Variants in DNAJB11 observed in about 807,000 individuals in gnomAD.
The protein encoded by DNAJB11 is DnaJ heat shock protein family (Hsp40) member B11, also known as dnaJ homolog subfamily B member 11.
A neutral mutation model predicts 47.2 loss-of-function variants in DNAJB11; 30 were observed. The observed-to-expected ratio is 0.64, with a 90% CI of 0.48 to 0.86. The LOEUF (loss-of-function observed/expected upper bound fraction) is 0.86, where lower values mean the gene tolerates loss of function less well. Ranked by LOEUF, DNAJB11 falls within the 40% of genes least tolerant of loss-of-function variation. The pLI is 0.00. For synonymous variants in DNAJB11, 151 were observed against 159.9 expected (o/e 0.94, Z 0.42); for missense variants, 357 against 440.2 (o/e 0.81, Z 1.69).
At position 186,575,868 on chromosome 3, in the gene DNAJB11, A is replaced by C; in HGVS notation, c.254A>C (p.Gln85Pro). The change falls in exon 3 of 10, where the codon CAG becomes CCG. Residue 85 changes from glutamine to proline, a missense_variant. Coordinates refer to ENST00000265028, the MANE Select transcript of DNAJB11 (RefSeq NM_016306.6). ...EVLSDSEKRK[Q>P]YDTYGEEGLK... ...CTGTCAGATAGTGAGAAACGGAAACAGTACGATACTTATGGTGAAGAAGGA... is the reference window on the plus strand; with the variant it reads ...CTGTCAGATAGTGAGAAACGGAAACCGTACGATACTTATGGTGAAGAAGGA... 6.2e-7 allele frequency: 1 copy of C among 1,613,750 alleles called. No individual in the cohort carries two copies. Among genetic ancestry groups the C allele is most frequent in the East Asian group, 2.2e-5 (1 of 44,866 alleles).
rs754774016 is a variant in DNAJB11 at position 186,572,158 on chromosome 3, C to T, written c.132C>T (p.Ala44=). 2 of 1,613,534 alleles carry T rather than the reference C, an allele frequency of 1.2e-6. No homozygotes were observed. The highest frequency in any genetic ancestry group is 1.7e-6 in the Non-Finnish European group (2 of 1,179,772). Residue 44 remains alanine, a synonymous_variant, in exon 2 of 10, where the codon GCC becomes GCT. Transcript: ENST00000265028. ...CCTCTATAAAGGATATTAAAAAGGCCTATAGGAAACTAGCCCTGCAGCTTC... is the reference window on the plus strand; with the variant it reads ...CCTCTATAAAGGATATTAAAAAGGCTTATAGGAAACTAGCCCTGCAGCTTC... ...RSASIKDIKK[A]YRKLALQLHP... is the part of the protein sequence containing the mutation.
intron 7 of DNAJB11, 83 bp from the exon 8 acceptor site, chr3:186,583,782 G>A (rs2108485987): frequency 2.1e-6 from 2 of 936,554 alleles, no homozygotes; most frequent in East Asian, 4.9e-5. Flanking sequence ...AAAGAGTGGT[G>A]TTCACCTTTT....
chr3:186,581,848 A>C, intron 5 of DNAJB11, 147 bp from the exon 6 acceptor site: 1 of 674,450 alleles, frequency 1.5e-6, no homozygotes, highest in Non-Finnish European at 2.5e-6. Context: ...AGAAGATGTA[A>C]ATGATTATCA....
chr3:186,578,033 A>G (rs28367056), intron 4 of DNAJB11: 24,720 of 281,172 alleles, frequency 0.088, 1,322 homozygotes, highest in African/African-American at 0.16. Flanking sequence ...CCTACATGCT[A>G]CTTCCCTGTT....
rs1560234973 is a variant in DNAJB11 at position 186,575,353 on chromosome 3, A to ATGTGCGCGCG, written c.226-485_226-484insTGCGCGCGTG. On this transcript the variant is annotated intron_variant, in intron 2 of 9. Transcript: ENST00000265028. ...CCTTGACTTGACAATCTCCTAATAC[A>ATGTGCGCGCG]TGCGCGCGCGCGCGCGTGTGTGTGT... Among the ~76,000 whole-genome samples, 5 of 109,590 alleles carry ATGTGCGCGCG rather than the reference A, an allele frequency of 4.6e-5. No homozygotes were observed. In the South Asian group the frequency reaches 1.6e-3, roughly 35 times the overall value. The allele number at this position is 109,590 out of a possible 152,430, so 71.9% of individuals were successfully genotyped here. A position where few individuals can be genotyped will look rare whatever the true frequency, so the allele number is the denominator to read the frequency against.
At position 186,570,743 on chromosome 3, in the gene DNAJB11, A is replaced by G. The variant is rs565966225; in HGVS notation, c.-155A>G. Reference sequence around the variant, plus strand: ...GGACTCCCGGGAAGTGGACCGGCAGAAGAGGGGGCTAGCTAGCTGTCTCTG... The same window carrying G: ...GGACTCCCGGGAAGTGGACCGGCAGGAGAGGGGGCTAGCTAGCTGTCTCTG... On this transcript the variant is annotated 5_prime_UTR_variant, in exon 1 of 10. Transcript: ENST00000265028. 3.6e-4 allele frequency: 247 copies of G among 677,292 alleles called. 1 individual carries two copies. The African/African-American group carries it at 4.2e-3, about 11-fold the overall frequency. The allele number at this position is 677,292 out of a possible 1,614,324, so 42.0% of individuals were successfully genotyped here.
rs1404050771 is a variant in DNAJB11, at chr3:186,570,754, A to G, written c.-144A>G. On this transcript the variant is annotated 5_prime_UTR_variant, in exon 1 of 10. Transcript: ENST00000265028. Reference sequence around the variant, plus strand: ...AAGTGGACCGGCAGAAGAGGGGGCTAGCTAGCTGTCTCTGCGGACCAAGGA... The same window carrying G: ...AAGTGGACCGGCAGAAGAGGGGGCTGGCTAGCTGTCTCTGCGGACCAAGGA... 6 of 709,330 alleles carry G rather than the reference A, an allele frequency of 8.5e-6. No homozygotes were observed. The highest frequency in any genetic ancestry group is 1.2e-5 in the Non-Finnish European group (5 of 414,700). The allele number at this position is 709,330 out of a possible 1,614,324, so 43.9% of individuals were successfully genotyped here.
At chr3:186,584,738 T>A in intron 9 of DNAJB11, 149 bp downstream of exon 9, 2 of 881,218 alleles carry the variant, frequency 2.3e-6, no homozygotes, top group Non-Finnish European at 3.2e-6. Context: ...AATGAACTCA[T>A]CTTTCTCTGT....
In DNAJB11 at chr3:186,584,519, C is replaced by G. The variant is rs1301925492; in HGVS notation, c.942C>G (p.Ile314Met). 1.2e-6 allele frequency: 2 copies of G among 1,602,356 alleles called. No individual in the cohort carries two copies. The highest frequency in any genetic ancestry group is 2.3e-5 in the East Asian group (1 of 44,372). The change falls in exon 9 of 10, where the codon ATC becomes ATG. Residue 314 changes from isoleucine to methionine, a missense_variant. By Grantham distance (10) the Ile-to-Met change is conservative. Coordinates refer to ENST00000265028, the MANE Select transcript of DNAJB11 (RefSeq NM_016306.6). The part of the protein sequence containing the change: ...EGLPNFDNNN[I>M]KGSLIITFDV... ...TCCCCAACTTTGACAACAACAATAT[C>G]AAGGGCTCTTTGATAATCACTTTTG...
At chr3:186,584,023 G>A (rs756334034) in intron 8 of DNAJB11, 47 bp downstream of exon 8, 2 of 1,390,120 alleles carry the variant, frequency 1.4e-6, no homozygotes, top group South Asian at 1.2e-5. Flanking sequence ...AAGCCTTTAT[G>A]TGGGTAGTTT....
chr3:186,572,514 G>T (rs1023181884), intron 2 of DNAJB11, among the ~76,000 whole-genome samples: 1 of 152,132 alleles, frequency 6.6e-6, no homozygotes, highest in African/African-American at 2.4e-5. Context: ...GCTAATTTTT[G>T]TATTTTTAGT....
intron 1 of DNAJB11, 43 bp from the exon 2 acceptor site, chr3:186,572,052 C>T (rs1421739095): frequency 6.8e-7 from 1 of 1,468,944 alleles, no homozygotes; most frequent in Non-Finnish European, 9.1e-7. Flanking sequence ...AAAAATGTAA[C>T]ATGTAACTCT....
rs773056034 is a variant in DNAJB11 at position 186,585,350 on chromosome 3, A to G, written c.1019A>G (p.Lys340Arg). ...TTGTTCATTCTTTCTTCAGGTATCA[A>G]ACAGCTACTGAAACAAGGGTCAGTG... Reference protein sequence around the residue: ...QLTEEAREGIKQLLKQGSVQK... With the variant: ...QLTEEAREGIRQLLKQGSVQK... The change falls in exon 10 of 10, where the codon AAA becomes AGA. Residue 340 changes from lysine (K) to arginine (R), a missense_variant. Physicochemically the swap from Lys to Arg is conservative, Grantham distance 26. Transcript: ENST00000265028. 17 of 1,611,662 alleles carry G rather than the reference A, an allele frequency of 1.1e-5. No individual in the cohort carries two copies. The East Asian group carries it at 2.5e-4, about 23-fold the overall frequency.
In DNAJB11 at chr3:186,585,771, A is replaced by T. The variant is rs2108488239; in HGVS notation, c.*363A>T. 1 of 160,978 alleles carries T rather than the reference A, an allele frequency of 6.2e-6. No individual in the cohort carries two copies. Among genetic ancestry groups the T allele is most frequent in the South Asian group, 1.8e-4 (1 of 5,560 alleles). The allele number at this position is 160,978 out of a possible 1,614,324, so 10.0% of individuals were successfully genotyped here. A position where few individuals can be genotyped will look rare whatever the true frequency, so the allele number is the denominator to read the frequency against. On this transcript the variant is annotated 3_prime_UTR_variant, in exon 10 of 10. Coordinates refer to ENST00000265028, the MANE Select transcript of DNAJB11 (RefSeq NM_016306.6). ...ATGCCAACTGGAGAAGTCTGTTTTT[A>T]AATACATTTTGTTGTTATTTTTTTC...
At chr3:186,576,416 G>A (rs372627211) in intron 3 of DNAJB11, among the ~76,000 whole-genome samples, 1 of 152,106 alleles carries the variant, frequency 6.6e-6, no homozygotes, top group South Asian at 2.1e-4. Flanking sequence ...GGGAGTGCTG[G>A]GTGGTTGGAA....
chr3:186,572,084 C>G lies in DNAJB11; in HGVS notation c.69-11C>G, dbSNP rs1560233954. ...CTCTTTAATGAAGTATTCTCTCCCT[C>G]TACTTCCCAGACGAGATTTCTATAA... On this transcript the variant is annotated splice_polypyrimidine_tract_variant and intron_variant, in intron 1 of 9. Transcript: ENST00000265028. The G allele has an allele frequency of 2.6e-6, 4 of 1,562,934 alleles. No homozygotes were observed. Among genetic ancestry groups the G allele is most frequent in the South Asian group, 1.2e-5 (1 of 82,792 alleles).
chr3:186,578,927 A>T (rs1368312864), intron 4 of DNAJB11: 1 of 152,234 alleles, frequency 6.6e-6, no homozygotes, highest in Non-Finnish European at 1.5e-5. Flanking sequence ...GTTCTAAAAT[A>T]AGAAAGCAGC....
chr3:186,576,085 GA>G (rs1715283563), intron 3 of DNAJB11, 148 bp downstream of exon 3: 1 of 595,376 alleles, frequency 1.7e-6, no homozygotes, highest in African/African-American at 1.9e-5. Context: ...CTCCCTGTGG[GA>G]AGATAGTCTT....
chr3:186,576,152 G>C (rs1433243770), intron 3 of DNAJB11, among the ~76,000 whole-genome samples: 1 of 152,204 alleles, frequency 6.6e-6, no homozygotes, highest in East Asian at 1.9e-4. Context: ...ATTCCATCTA[G>C]CCAACCATAT....
Sources: allele counts gnomAD v4.1 joint callset (sites outside exome capture counted in the v4.1 genomes callset), GRCh38; gene constraint gnomAD v4.1.1; transcripts MANE v1.5; gene names NCBI Gene and HGNC (gene_info 2026-07-23, HGNC 2026-07-21).